The following ERLEC1 variants were observed in gnomAD, a reference collection of about 807,000 sequenced individuals.
ERLEC1 encodes ER lectin.
ERLEC1 carries 47 observed loss-of-function variants against 68.0 expected under a neutral mutation model. That is an observed-to-expected ratio of 0.69 (90% CI 0.55 to 0.88). The LOEUF is 0.88. Ranked by LOEUF, ERLEC1 falls within the 40% of genes least tolerant of loss-of-function variation. The probability of loss-of-function intolerance (pLI) is 0.00; values close to 1 mark genes in which losing one functional copy is unlikely to be tolerated. For missense variants in ERLEC1, 567 were observed against 583.8 expected (o/e 0.97, Z 0.30); for synonymous variants, 225 against 203.2 (o/e 1.11, Z -0.91).
At position 53,808,038 on chromosome 2, in the gene ERLEC1, A is replaced by C. The variant is rs1476954469; in HGVS notation, c.880-261A>C. 2.6e-5 allele frequency among the ~76,000 whole-genome samples: 4 copies of C among 152,008 alleles called. No individual in the cohort carries two copies. The East Asian group carries it at 7.7e-4, about 29-fold the overall frequency. ...AGACTCCATCTCAAAAAAAAAAAAA[A>C]GAATAATGAGACAAAGTATATGAAA... On this transcript the variant is annotated intron_variant, in intron 8 of 13. Coordinates refer to ENST00000185150, the MANE Select transcript of ERLEC1 (RefSeq NM_015701.5).
rs541692404 is a variant in ERLEC1, at chr2:53,818,364, A to G, written c.*395A>G. ...GTAAGTAGCTAATGAAGTAAAGATC[A>G]TGAAGAAAGAAATTGATAGGTGTAA... is the stretch of plus-strand genomic sequence containing the variant. On this transcript the variant is annotated 3_prime_UTR_variant, in exon 14 of 14. Transcript: ENST00000185150. 6.4e-6 allele frequency: 1 copy of G among 155,176 alleles called. No homozygotes were observed. The highest frequency in any genetic ancestry group is 2.0e-4 in the South Asian group (1 of 5,034). 9.6% of individuals were successfully genotyped at this position (155,176 alleles called of 1,614,324 possible). A position where few individuals can be genotyped will look rare whatever the true frequency, so the allele number is the denominator to read the frequency against.
At chr2:53,804,230 A>T (rs989615556) in intron 8 of ERLEC1, among the ~76,000 whole-genome samples, 1 of 152,140 alleles carries the variant, frequency 6.6e-6, no homozygotes, top group African/African-American at 2.4e-5. Flanking sequence ...GGAGTACATG[A>T]GATATTTTAC....
At chr2:53,816,601 A>C (rs1304550566) in intron 13 of ERLEC1, among the ~76,000 whole-genome samples, 2 of 152,080 alleles carry the variant, frequency 1.3e-5, no homozygotes, top group African/African-American at 4.8e-5. Context: ...TTGGTGAATG[A>C]AAAATTTTTA....
intron 8 of ERLEC1, among the ~76,000 whole-genome samples, chr2:53,805,302 A>T (rs1181995938): frequency 6.6e-6 from 1 of 152,100 alleles, no homozygotes; most frequent in Non-Finnish European, 1.5e-5. Flanking sequence ...GATTACAGAC[A>T]TGAGCCACCG....
In ERLEC1 at chr2:53,787,257, C is replaced by T. The variant is rs771298535; in HGVS notation, c.47C>T (p.Pro16Leu). Residue 16 changes from proline to leucine, a missense_variant, in exon 1 of 14, where the codon CCG (proline) becomes CTG (leucine). Physicochemically the swap from Pro to Leu is moderately conservative, Grantham distance 98. Coordinates refer to ENST00000185150, the MANE Select transcript of ERLEC1 (RefSeq NM_015701.5). ...GGVRSLVPGGPVLLVLCGLLE... is the reference protein window; with the variant it reads ...GGVRSLVPGGLVLLVLCGLLE... ...GTACGGAGTCTGGTCCCGGGCGGGC[C>T]GGTGTTACTGGTCCTCTGCGGCCTC... The T allele has an allele frequency of 1.2e-5, 19 of 1,607,550 alleles. No individual in the cohort carries two copies. The highest frequency in any genetic ancestry group is 1.7e-5 in the Admixed American group (1 of 59,968).
intron 13 of ERLEC1, among the ~76,000 whole-genome samples, chr2:53,817,214 A>G (rs896323449): frequency 1.3e-5 from 2 of 150,660 alleles, no homozygotes; most frequent in African/African-American, 4.9e-5. Context: ...GCTCATTGCA[A>G]CCTCCACCTC....
intron 10 of ERLEC1, 56 bp downstream of exon 10, chr2:53,809,329 T>A (rs1573098406): frequency 3.3e-6 from 4 of 1,222,060 alleles, no homozygotes; most frequent in Admixed American, 5.7e-5. Context: ...AGTTTAAGAA[T>A]CTGTTGTAGA....
intron 1 of ERLEC1, among the ~76,000 whole-genome samples, chr2:53,788,056 C>G (rs1442203559): frequency 1.3e-5 from 2 of 152,142 alleles, no homozygotes. Flanking sequence ...TGAAAATTCC[C>G]TCTTGGGGGA....
chr2:53,814,273 A>ATTTTCC (rs1676744735), intron 11 of ERLEC1, among the ~76,000 whole-genome samples: 3 of 152,234 alleles, frequency 2.0e-5, no homozygotes, highest in Non-Finnish European at 2.9e-5. Context: ...TCTAACCAAA[A>ATTTTCC]TTATTTGTAT....
intron 6 of ERLEC1, 119 bp from the exon 7 acceptor site, chr2:53,801,278 C>G (rs1675988006): frequency 1.6e-6 from 1 of 642,494 alleles, no homozygotes; most frequent in South Asian, 2.2e-5. Context: ...AGAAGTGTTA[C>G]CTTTCAGTTA....
Position 53,787,142 on chromosome 2 carries a change from C to G in ERLEC1, c.-69C>G, listed in dbSNP as rs574632926. 5 of 1,437,346 alleles carry G rather than the reference C, an allele frequency of 3.5e-6. No individual in the cohort carries two copies. The highest frequency in any genetic ancestry group is 3.7e-6 in the Non-Finnish European group (4 of 1,094,938). The allele number at this position is 1,437,346 out of a possible 1,614,324, so 89.0% of individuals were successfully genotyped here. On this transcript the variant is annotated 5_prime_UTR_variant, in exon 1 of 14. Coordinates refer to ENST00000185150, the MANE Select transcript of ERLEC1 (RefSeq NM_015701.5). Reference sequence around the variant, plus strand: ...GTCCCGCCGCCTCCTCCTCCACCTCCTCCTCCTCCTCCTCTCCTCCTGGAG... The same window carrying G: ...GTCCCGCCGCCTCCTCCTCCACCTCGTCCTCCTCCTCCTCTCCTCCTGGAG...
intron 6 of ERLEC1, 120 bp downstream of exon 6, chr2:53,799,201 T>A (rs898680374): frequency 3.7e-6 from 3 of 811,502 alleles, no homozygotes; most frequent in African/African-American, 3.4e-5. Flanking sequence ...TCAAATACCT[T>A]GAAGGACTGG....
In ERLEC1 at chr2:53,797,481, C is replaced by G. The variant is rs201308166; in HGVS notation, c.349-34C>G. On this transcript the variant is annotated intron_variant, in intron 3 of 13. Coordinates refer to ENST00000185150, the MANE Select transcript of ERLEC1 (RefSeq NM_015701.5). Reference sequence around the variant, plus strand: ...AAAGTAATTCAGCTGAGTTATGTGGCTTTTGTGCATTGAAATATATCCATC... The same window carrying G: ...AAAGTAATTCAGCTGAGTTATGTGGGTTTTGTGCATTGAAATATATCCATC... The G allele has an allele frequency of 1.3e-4, 200 of 1,514,222 alleles. No homozygotes were observed. In the African/African-American group the frequency reaches 2.5e-3, roughly 19 times the overall value. 93.8% of individuals were successfully genotyped at this position (1,514,222 alleles called of 1,614,324 possible).
intron 8 of ERLEC1, among the ~76,000 whole-genome samples, chr2:53,804,937 CT>C (rs1023912031): frequency 1.3e-5 from 2 of 149,776 alleles, no homozygotes; most frequent in African/African-American, 4.9e-5. Flanking sequence ...GCTTATTTCA[CT>C]TAACATAATG....
chr2:53,814,781 G>C, intron 12 of ERLEC1, 79 bp from the exon 13 acceptor site: 1 of 1,166,900 alleles, frequency 8.6e-7, no homozygotes. Context: ...ACTTGAGTGG[G>C]ATTTTTAAGA....
chr2:53,791,077 C>A (rs1292156248), intron 1 of ERLEC1, among the ~76,000 whole-genome samples: 1 of 152,220 alleles, frequency 6.6e-6, no homozygotes, highest in Non-Finnish European at 1.5e-5. Context: ...TATACATTGA[C>A]AGGTTCTACC....
intron 10 of ERLEC1, among the ~76,000 whole-genome samples, chr2:53,810,904 T>C (rs1421870041): frequency 6.8e-6 from 1 of 147,896 alleles, no homozygotes; most frequent in East Asian, 1.9e-4. Flanking sequence ...ACAACCCTTA[T>C]AATACCTGAT....
Position 53,801,446 on chromosome 2 carries a change from G to A in ERLEC1, c.575G>A (p.Gly192Glu). ...CAGATGACACCATACTATCCTGTGGGAATGGGAAATGGTACACCTTGTAGT... is the reference window on the plus strand; with the variant it reads ...CAGATGACACCATACTATCCTGTGGAAATGGGAAATGGTACACCTTGTAGT... Reference protein sequence around the residue: ...EGQMTPYYPVGMGNGTPCSLK... With the variant: ...EGQMTPYYPVEMGNGTPCSLK... Residue 192 changes from glycine (G) to glutamate (E), a missense_variant, in exon 7 of 14, where the codon GGA (glycine) becomes GAA (glutamate). By Grantham distance (98) the Gly-to-Glu change is moderately conservative (BLOSUM62 -2). Coordinates refer to ENST00000185150, the MANE Select transcript of ERLEC1 (RefSeq NM_015701.5). 1 of 1,613,938 alleles carries A rather than the reference G, an allele frequency of 6.2e-7. No homozygotes were observed.
intron 11 of ERLEC1, 21 bp downstream of exon 11, chr2:53,813,094 C>G (rs748915827): frequency 6.3e-7 from 1 of 1,595,250 alleles, no homozygotes; most frequent in South Asian, 1.2e-5. Context: ...ACTTTACTTG[C>G]CTTTGGAGCT....
Sources: allele counts gnomAD v4.1 joint callset (sites outside exome capture counted in the v4.1 genomes callset), GRCh38; gene constraint gnomAD v4.1.1; transcripts MANE v1.5; gene names NCBI Gene and HGNC (gene_info 2026-07-23, HGNC 2026-07-21).